Variants in PRIM2 observed in about 807,000 individuals in gnomAD.
PRIM2 encodes the protein DNA primase large subunit.
In PRIM2, 39 loss-of-function variants were observed where a neutral mutation model predicts 67.3. The observed-to-expected ratio is 0.58, with a 90% CI of 0.45 to 0.76. The LOEUF is 0.76. PRIM2 is among the 30% of genes least tolerant of loss of function. The pLI is 0.00. For missense variants in PRIM2, 398 were observed against 598.7 expected (o/e 0.66, Z 3.50); for synonymous variants, 143 against 198.7 (o/e 0.72, Z 2.36).
intron 8 of PRIM2, among the ~76,000 whole-genome samples, chr6:57,525,082 G>A (rs1774718334): frequency 6.7e-6 from 1 of 150,266 alleles, no homozygotes; most frequent in Non-Finnish European, 1.5e-5. Flanking sequence ...ACCTGCCTTT[G>A]CTTGTGTTTT....
intron 8 of PRIM2, among the ~76,000 whole-genome samples, chr6:57,510,404 G>A (rs1412392336): frequency 6.6e-6 from 1 of 152,112 alleles, no homozygotes; most frequent in Non-Finnish European, 1.5e-5. Flanking sequence ...CTAGCTTTTA[G>A]TTAATCTCAC....
intron 5 of PRIM2, among the ~76,000 whole-genome samples, chr6:57,361,776 A>G (rs1463174324): frequency 2.0e-5 from 3 of 152,120 alleles, no homozygotes; most frequent in Admixed American, 6.6e-5. Context: ...GTTGTATGTT[A>G]TGGAAGATTT....
chr6:57,463,515 A>G (rs1450547051), intron 7 of PRIM2, among the ~76,000 whole-genome samples: 1 of 152,094 alleles, frequency 6.6e-6, no homozygotes, highest in African/African-American at 2.4e-5. Context: ...AACCAAGAAA[A>G]TAAAGGAGAT....
chr6:57,586,508 A>G (rs1372139880), intron 10 of PRIM2, among the ~76,000 whole-genome samples: 1 of 152,174 alleles, frequency 6.6e-6, no homozygotes, highest in Non-Finnish European at 1.5e-5. Context: ...AAAACAATTG[A>G]TGGTAAAATT....
At chr6:57,450,718 TA>T (rs1337478121) in intron 7 of PRIM2, among the ~76,000 whole-genome samples, 4 of 152,248 alleles carry the variant, frequency 2.6e-5, no homozygotes, top group African/African-American at 9.6e-5. Flanking sequence ...AAGTGATTTA[TA>T]AAGCATGTGC....
the PRIM2 span, among the ~76,000 whole-genome samples, chr6:57,308,930 G>T: frequency 6.8e-6 from 1 of 147,456 alleles, no homozygotes. Flanking sequence ...CAGTTTTTTT[G>T]TTTGTTTATT....
chr6:57,287,945 GAGGGTGAGCTGAAGCAGGGC>G, the PRIM2 span, among the ~76,000 whole-genome samples: 1 of 152,158 alleles, frequency 6.6e-6, no homozygotes, highest in Non-Finnish European at 1.5e-5. Flanking sequence ...GCAGCCCACG[GAGGGTGAGCTGAAGCAGGGC>G]AGGGTGTCGC....
chr6:57,256,636 A>T, the PRIM2 span, among the ~76,000 whole-genome samples: 1 of 52,188 alleles, frequency 1.9e-5, no homozygotes, highest in Non-Finnish European at 4.2e-5. Context: ...TCTCTTACAC[A>T]CACACACACA....
intron 8 of PRIM2, among the ~76,000 whole-genome samples, chr6:57,510,100 T>C (rs1554347562): frequency 6.6e-6 from 1 of 151,942 alleles, no homozygotes; most frequent in African/African-American, 2.4e-5. Flanking sequence ...CCATGCCTTC[T>C]TCTGTATTAC....
chr6:57,517,754 C>T (rs1177665579), intron 8 of PRIM2, among the ~76,000 whole-genome samples: 1 of 152,068 alleles, frequency 6.6e-6, no homozygotes, highest in Non-Finnish European at 1.5e-5. Context: ...TCATGAGGCT[C>T]CTAAGTCAGG....
intron 7 of PRIM2, among the ~76,000 whole-genome samples, chr6:57,418,411 T>TTTTTTTTTTTTTG: frequency 8.1e-6 from 1 of 123,734 alleles, no homozygotes; most frequent in Non-Finnish European, 1.7e-5. Flanking sequence ...TTTTTTTTTT[T>TTTTTTTTTTTTTG]TTTTTTAACA....
chr6:57,578,177 G>C (rs1418756458), intron 10 of PRIM2, among the ~76,000 whole-genome samples: 1 of 152,174 alleles, frequency 6.6e-6, no homozygotes, highest in Non-Finnish European at 1.5e-5. Context: ...AAGGGCATGT[G>C]ATATCAACAC....
intron 10 of PRIM2, among the ~76,000 whole-genome samples, chr6:57,551,638 C>G (rs1358009157): frequency 2.6e-5 from 4 of 151,474 alleles, no homozygotes; most frequent in African/African-American, 7.3e-5. Flanking sequence ...GGTCTTCTAG[C>G]TACTAGAGGT....
rs1339045109 is a variant in PRIM2 at position 57,339,652 on chromosome 6, T to C, written c.459+13607T>C. On this transcript the variant is annotated intron_variant, in intron 5 of 13. Coordinates refer to ENST00000615550, the MANE Select transcript of PRIM2 (RefSeq NM_000947.5). The stretch of plus-strand genomic sequence containing the variant: ...TGGTGCTGGGAAAACTGGCTAGCCA[T>C]ATGCAGAAAGCTGAAACTGGATCCC... Among the ~76,000 whole-genome samples, 5 of 152,272 alleles carry C rather than the reference T, an allele frequency of 3.3e-5. No individual in the cohort carries two copies. In the East Asian group the frequency reaches 9.6e-4, roughly 29 times the overall value.
chr6:57,353,165 T>C (rs1203196463), intron 5 of PRIM2, among the ~76,000 whole-genome samples: 7 of 137,512 alleles, frequency 5.1e-5, no homozygotes, highest in Non-Finnish European at 1.1e-4. Context: ...AAAAAAGCAG[T>C]CTTTGGATTT....
Position 57,346,626 on chromosome 6 carries a change from A to G in PRIM2, c.459+20581A>G, listed in dbSNP as rs1417179830. On this transcript the variant is annotated intron_variant, in intron 5 of 13. Transcript: ENST00000615550. ...AGTCACCACGCCCAGCCATGTATAC[A>G]TTTTTAAAAATTCCATAATCTTTAT... Among the ~76,000 whole-genome samples the G allele has an allele frequency of 2.0e-5, 3 of 152,052 alleles. No individual in the cohort carries two copies. In the East Asian group the frequency reaches 5.8e-4, roughly 29 times the overall value.
intron 7 of PRIM2, among the ~76,000 whole-genome samples, chr6:57,494,523 G>A (rs1581952576): frequency 6.6e-6 from 1 of 152,150 alleles, no homozygotes; most frequent in Admixed American, 6.5e-5. Flanking sequence ...GGTGACCTAA[G>A]TTAACAGGGA....
At chr6:57,608,718 A>G (rs1776605743) in intron 12 of PRIM2, among the ~76,000 whole-genome samples, 1 of 151,626 alleles carries the variant, frequency 6.6e-6, no homozygotes, top group Admixed American at 6.6e-5. Context: ...GTCTCAAGAA[A>G]AAAAAAAAAA....
intron 12 of PRIM2, among the ~76,000 whole-genome samples, chr6:57,606,708 A>C (rs1390882561): frequency 6.6e-6 from 1 of 152,234 alleles, no homozygotes; most frequent in Non-Finnish European, 1.5e-5. Context: ...ACCTTCCCCC[A>C]CACCTCAGTT....
Sources: allele counts gnomAD v4.1 joint callset (sites outside exome capture counted in the v4.1 genomes callset), GRCh38; gene constraint gnomAD v4.1.1; transcripts MANE v1.5; gene names NCBI Gene and HGNC (gene_info 2026-07-23, HGNC 2026-07-21).